ZNF614: variants seen among roughly 807,000 people sequenced by gnomAD.
The protein encoded by ZNF614 is zinc finger protein 614.
A neutral mutation model predicts 12.8 loss-of-function variants in ZNF614; 11 were observed. The ratio of observed to expected loss-of-function variants is 0.86; its 90% CI spans 0.54 to 1.43. The LOEUF (loss-of-function observed/expected upper bound fraction) is 1.43. Among genes scored for constraint, ZNF614 ranks in the 40% most tolerant of loss-of-function variants. ZNF614 has a pLI of 0.00. For missense variants in ZNF614, 664 were observed against 708.8 expected (o/e 0.94, Z 0.72); for synonymous variants, 237 against 237.5 (o/e 1.00, Z 0.02).
At chr19:52,023,972 T>C (rs1172493151) in intron 2 of ZNF614, among the ~76,000 whole-genome samples, 7 of 152,134 alleles carry the variant, frequency 4.6e-5, no homozygotes, top group Non-Finnish European at 8.8e-5. Flanking sequence ...TTACCACCAA[T>C]AGTTAATGAA....
chr19:52,026,573 G>A (rs1568516204), intron 1 of ZNF614, among the ~76,000 whole-genome samples: 1 of 152,194 alleles, frequency 6.6e-6, no homozygotes, highest in African/African-American at 2.4e-5. Context: ...ATGATAGCCT[G>A]AGATATGGCC....
chr19:52,019,462 C>A (rs2086921244), intron 2 of ZNF614, among the ~76,000 whole-genome samples: 1 of 152,082 alleles, frequency 6.6e-6, no homozygotes, highest in Admixed American at 6.5e-5. Flanking sequence ...ATCTCAAATT[C>A]AGAAATCCCA....
chr19:52,017,720 T>C (rs2086908716), intron 4 of ZNF614: 2 of 341,304 alleles, frequency 5.9e-6, no homozygotes, highest in Admixed American at 4.4e-5. Flanking sequence ...AAAAAAAATC[T>C]TAGCTTATGA....
At chr19:52,026,215 G>A (rs1408319568) in intron 1 of ZNF614, among the ~76,000 whole-genome samples, 2 of 152,198 alleles carry the variant, frequency 1.3e-5, no homozygotes, top group African/African-American at 2.4e-5. Context: ...GGTGTCTGGG[G>A]AAAAGAAAGA....
Position 52,025,954 on chromosome 19 carries a change from C to T in ZNF614, c.-209G>A. The T allele has an allele frequency of 7.1e-6, 4 of 559,486 alleles. No homozygotes were observed. The highest frequency in any genetic ancestry group is 2.1e-5 in the South Asian group (1 of 47,472). 34.7% of individuals were successfully genotyped at this position (559,486 alleles called of 1,614,324 possible). Reference sequence around the variant, plus strand: ...GTTATTTTGCTTCTGGGAGCCAGGACCTGAGGACTGATAAACAAAATGGCT... The same window carrying T: ...GTTATTTTGCTTCTGGGAGCCAGGATCTGAGGACTGATAAACAAAATGGCT... On this transcript the variant is annotated 5_prime_UTR_variant, in exon 2 of 5. Coordinates refer to ENST00000270649, the MANE Select transcript of ZNF614 (RefSeq NM_025040.4).
At chr19:52,024,226 C>T (rs1283513043) in intron 2 of ZNF614, among the ~76,000 whole-genome samples, 2 of 152,068 alleles carry the variant, frequency 1.3e-5, no homozygotes, top group East Asian at 1.9e-4. Flanking sequence ...ATTTTTTGAG[C>T]CTTCTAGCAG....
chr19:52,013,924 AT>A lies in ZNF614; in HGVS notation c.*1915del, dbSNP rs2086881381. ...TTTGATAATTATGGTTATATAGGAT[AT>A]TTTTACTAGAAATTGGTTGAAGGAT... On this transcript the variant is annotated 3_prime_UTR_variant, in exon 5 of 5. Transcript: ENST00000270649. 1 of 152,200 alleles carries A rather than the reference AT, an allele frequency of 6.6e-6. No homozygotes were observed. Among genetic ancestry groups the A allele is most frequent in the South Asian group, 2.1e-4 (1 of 4,836 alleles). 9.4% of individuals were successfully genotyped at this position (152,200 alleles called of 1,614,324 possible).
rs1444944281 is a variant in ZNF614 at position 52,014,827 on chromosome 19, AG to A, written c.*1012del. On this transcript the variant is annotated 3_prime_UTR_variant, in exon 5 of 5. Coordinates refer to ENST00000270649, the MANE Select transcript of ZNF614 (RefSeq NM_025040.4). ...GAGGCTGTCTAGGGGAGCAACCATA[AG>A]TCACTTCAGTAGTATAATCAGGTGT... 1 of 152,174 alleles carries A rather than the reference AG, an allele frequency of 6.6e-6. No homozygotes were observed. The highest frequency in any genetic ancestry group is 1.5e-5 in the Non-Finnish European group (1 of 68,036). The allele number at this position is 152,174 out of a possible 1,614,324, so 9.4% of individuals were successfully genotyped here.
chr19:52,026,228 G>A (rs1255857930), intron 1 of ZNF614, among the ~76,000 whole-genome samples: 1 of 152,240 alleles, frequency 6.6e-6, no homozygotes, highest in African/African-American at 2.4e-5. Context: ...AAGAAAGAGA[G>A]ATCAGACTGT....
At chr19:52,021,227 G>A (rs2086931176) in intron 2 of ZNF614, among the ~76,000 whole-genome samples, 2 of 152,110 alleles carry the variant, frequency 1.3e-5, no homozygotes, top group African/African-American at 2.4e-5. Context: ...AGTGAGCTTA[G>A]AACTGCATCT....
intron 1 of ZNF614, among the ~76,000 whole-genome samples, chr19:52,026,444 T>C (rs2086973434): frequency 6.6e-6 from 1 of 152,234 alleles, no homozygotes; most frequent in Non-Finnish European, 1.5e-5. Flanking sequence ...GAAGGCAGTA[T>C]GCTTGGTAAA....
chr19:52,017,557 C>A, intron 4 of ZNF614, 198 bp from the exon 5 acceptor site: 1 of 516,164 alleles, frequency 1.9e-6, no homozygotes, highest in Non-Finnish European at 3.4e-6. Flanking sequence ...CAAAATTAGC[C>A]GGGCGTGGTG....
At chr19:52,022,542 G>C (rs889666444) in intron 2 of ZNF614, among the ~76,000 whole-genome samples, 1 of 149,366 alleles carries the variant, frequency 6.7e-6, no homozygotes, top group Non-Finnish European at 1.5e-5. Flanking sequence ...TTGCATTTTC[G>C]ACATTAAAGT....
Position 52,015,592 on chromosome 19 carries a change from C to T in ZNF614, c.*248G>A, listed in dbSNP as rs116045166. On this transcript the variant is annotated 3_prime_UTR_variant, in exon 5 of 5. Coordinates refer to ENST00000270649, the MANE Select transcript of ZNF614 (RefSeq NM_025040.4). The stretch of plus-strand genomic sequence containing the variant: ...CTCCACATTAATATAGTTTATTCAA[C>T]GTATTTTCATTGACAGAAAATATGA... 142 of 394,204 alleles carry T rather than the reference C, an allele frequency of 3.6e-4. No homozygotes were observed. Among genetic ancestry groups the T allele is most frequent in the African/African-American group, 2.0e-3 (98 of 49,120 alleles). 24.4% of individuals were successfully genotyped at this position (394,204 alleles called of 1,614,324 possible).
intron 2 of ZNF614, among the ~76,000 whole-genome samples, chr19:52,021,718 G>A (rs941915621): frequency 7.3e-5 from 11 of 150,308 alleles, no homozygotes; most frequent in Admixed American, 2.6e-4. Flanking sequence ...GGAAGAGGGC[G>A]AGTCCCTGTC....
At position 52,017,060 on chromosome 19, in the gene ZNF614, A is replaced by G. The variant is rs2086903190; in HGVS notation, c.538T>C (p.Ser180Pro). 2 of 1,613,972 alleles carry G rather than the reference A, an allele frequency of 1.2e-6. No individual in the cohort carries two copies. The highest frequency in any genetic ancestry group is 2.2e-5 in the South Asian group (2 of 91,074). Residue 180 changes from serine to proline, a missense_variant, in exon 5 of 5, where the codon TCT (serine) becomes CCT (proline). Ser to Pro is a moderately conservative substitution (Grantham distance 74). Transcript: ENST00000270649. The stretch of plus-strand genomic sequence containing the variant: ...GTATGGATACATTTTGCATTTTCAG[A>G]AAATCTAGTTTTAGTATGCGTACGT... ...HERTHTKTRF[S>P]ENAKCIHTKF...
rs2086902768 is a variant in ZNF614 at position 52,016,990 on chromosome 19, T to G, written c.608A>C (p.Lys203Thr). Residue 203 changes from lysine (K) to threonine (T), a missense_variant, in exon 5 of 5, where the codon AAA becomes ACA. Physicochemically the swap from Lys to Thr is moderately conservative, Grantham distance 78. Coordinates refer to ENST00000270649, the MANE Select transcript of ZNF614 (RefSeq NM_025040.4). The stretch of plus-strand genomic sequence containing the variant: ...CTCACATTCAATGCATGCATGGGGT[T>G]TCTCAATTTTCTGAGTCCTCTGATG... Reference protein sequence around the residue: ...FKHQRTQKIEKPHACIECEQT... With the variant: ...FKHQRTQKIETPHACIECEQT... The G allele has an allele frequency of 6.2e-7, 1 of 1,614,112 alleles. No homozygotes were observed. Among genetic ancestry groups the G allele is most frequent in the African/African-American group, 1.3e-5 (1 of 74,952 alleles).
chr19:52,025,499 T>C (rs2086965334), intron 2 of ZNF614, among the ~76,000 whole-genome samples: 1 of 152,102 alleles, frequency 6.6e-6, no homozygotes, highest in Non-Finnish European at 1.5e-5. Context: ...AATTTTTGTA[T>C]TTTTTGTAGA....
chr19:52,027,974 C>G (rs1392794343), intron 1 of ZNF614, among the ~76,000 whole-genome samples: 1 of 152,162 alleles, frequency 6.6e-6, no homozygotes, highest in Non-Finnish European at 1.5e-5. Context: ...CATGTGATAG[C>G]CTGAGATAGG....
Sources: allele counts gnomAD v4.1 joint callset (sites outside exome capture counted in the v4.1 genomes callset), GRCh38; gene constraint gnomAD v4.1.1; transcripts MANE v1.5; gene names NCBI Gene and HGNC (gene_info 2026-07-23, HGNC 2026-07-21).